TLN2: variants seen among roughly 807,000 people sequenced by gnomAD.
TLN2 encodes talin-2.
In TLN2, 118 loss-of-function variants were observed where a neutral mutation model predicts 294.7. The ratio of observed to expected loss-of-function variants is 0.40; its 90% CI spans 0.34 to 0.47. TLN2 has a LOEUF of 0.47. Among genes scored for constraint, TLN2 ranks in the 20% least tolerant of loss-of-function variants. TLN2 has a pLI of 0.84. For synonymous variants in TLN2, 1,431 were observed against 1,304.5 expected (o/e 1.10, Z -2.09); for missense variants, 3,083 against 3,282.2 (o/e 0.94, Z 1.48).
At chr15:62,568,536 G>A (rs562091596) in intron 1 of TLN2, among the ~76,000 whole-genome samples, 4 of 152,342 alleles carry the variant, frequency 2.6e-5, no homozygotes, top group East Asian at 3.9e-4. Flanking sequence ...AGCACAGTGC[G>A]TGGCCCATGG....
In TLN2 at chr15:62,465,311, C is replaced by T. The variant is rs146681903; in HGVS notation, c.-238+74626C>T. 2.9e-4 allele frequency among the ~76,000 whole-genome samples: 44 copies of T among 151,982 alleles called. 1 individual carries two copies. The East Asian group carries it at 6.0e-3, about 21-fold the overall frequency. Reference sequence around the variant, plus strand: ...ATCCCAGCTTGCCACCTGGAGAATCCGTGGCTTGGTGTGTGATAATGGGAT... The same window carrying T: ...ATCCCAGCTTGCCACCTGGAGAATCTGTGGCTTGGTGTGTGATAATGGGAT... On this transcript the variant is annotated intron_variant, in intron 1 of 58. Transcript: ENST00000636159.
chr15:62,588,495 G>C (rs1371460251), intron 1 of TLN2, among the ~76,000 whole-genome samples: 2 of 151,158 alleles, frequency 1.3e-5, no homozygotes, highest in Non-Finnish European at 2.9e-5. Context: ...AATTAGCTGG[G>C]TGTGGTGATG....
intron 32 of TLN2, among the ~76,000 whole-genome samples, chr15:62,741,095 A>G (rs1290587491): frequency 2.0e-5 from 3 of 152,242 alleles, no homozygotes; most frequent in African/African-American, 7.2e-5. Context: ...CTGATTATAA[A>G]ATAGTATATA....
intron 1 of TLN2, among the ~76,000 whole-genome samples, chr15:62,549,056 T>C (rs914966028): frequency 1.2e-4 from 18 of 152,208 alleles, no homozygotes; most frequent in African/African-American, 4.3e-4. Context: ...TAGTTTGCTT[T>C]CTTATCCTCA....
chr15:62,816,439 G>C (rs1037166103), intron 52 of TLN2, among the ~76,000 whole-genome samples: 6 of 152,194 alleles, frequency 3.9e-5, no homozygotes, highest in African/African-American at 1.4e-4. Flanking sequence ...TCTGTTGTCT[G>C]CTATCAGAAA....
chr15:62,396,951 T>C (rs2140228801), intron 1 of TLN2, among the ~76,000 whole-genome samples: 1 of 152,254 alleles, frequency 6.6e-6, no homozygotes, highest in African/African-American at 2.4e-5. Flanking sequence ...GCAGTCCACC[T>C]TCCTCGGCCT....
At chr15:62,836,116 CG>C (rs777516286) in intron 57 of TLN2, 43 bp downstream of exon 57, 6 of 1,561,150 alleles carry the variant, frequency 3.8e-6, no homozygotes, top group African/African-American at 2.7e-5. Context: ...CCTGTTGGAG[CG>C]GGTAAGTGTC....
chr15:62,504,846 T>TGTGTGTGTGTGTGTGAGA (rs1207922838), intron 1 of TLN2, among the ~76,000 whole-genome samples: 2 of 144,480 alleles, frequency 1.4e-5, no homozygotes, highest in African/African-American at 5.2e-5. Flanking sequence ...TGTGTGTGTG[T>TGTGTGTGTGTGTGTGAGA]GAGAGAGAGA....
intron 12 of TLN2, among the ~76,000 whole-genome samples, chr15:62,692,280 A>T (rs1308209832): frequency 6.6e-6 from 1 of 152,186 alleles, no homozygotes; most frequent in Non-Finnish European, 1.5e-5. Context: ...CACTGGCTAG[A>T]GGGCAGGGAG....
chr15:62,505,390 T>C (rs958055979), intron 1 of TLN2, among the ~76,000 whole-genome samples: 1 of 152,250 alleles, frequency 6.6e-6, no homozygotes, highest in African/African-American at 2.4e-5. Context: ...GTCTTAAATC[T>C]GGCTTACATT....
intron 1 of TLN2, among the ~76,000 whole-genome samples, chr15:62,434,611 A>G (rs1220285240): frequency 6.6e-6 from 1 of 152,184 alleles, no homozygotes; most frequent in Non-Finnish European, 1.5e-5. Flanking sequence ...AAGTTGTATC[A>G]TTTTTAATCA....
At chr15:62,753,388 GT>G (rs1024967893) in intron 35 of TLN2, among the ~76,000 whole-genome samples, 1 of 152,178 alleles carries the variant, frequency 6.6e-6, no homozygotes. Context: ...TGCACCCACT[GT>G]TTTGTGCCTC....
At position 62,734,543 on chromosome 15, in the gene TLN2, G is replaced by A. The variant is rs547467114; in HGVS notation, c.3359-2335G>A. ...TCAACCCTGTGCCAAAAGCTTAAGC[G>A]TAAAATGGAATGACCATTCTCCTCA... On this transcript the variant is annotated intron_variant, in intron 28 of 58. Transcript: ENST00000636159. 9.8e-5 allele frequency among the ~76,000 whole-genome samples: 15 copies of A among 152,306 alleles called. No individual in the cohort carries two copies. In the South Asian group the frequency reaches 1.2e-3, roughly 13 times the overall value.
chr15:62,493,448 C>T (rs1392733446), intron 1 of TLN2, among the ~76,000 whole-genome samples: 1 of 151,986 alleles, frequency 6.6e-6, no homozygotes, highest in Non-Finnish European at 1.5e-5. Flanking sequence ...AGGCCCTGTC[C>T]TCCCCTTGCT....
chr15:62,458,839 A>G (rs1027810262), intron 1 of TLN2, among the ~76,000 whole-genome samples: 1 of 152,048 alleles, frequency 6.6e-6, no homozygotes, highest in African/African-American at 2.4e-5. Flanking sequence ...GTCCCTGCTT[A>G]CTTAATCAGC....
chr15:62,531,201 A>C (rs2041024771), intron 1 of TLN2, among the ~76,000 whole-genome samples: 1 of 152,262 alleles, frequency 6.6e-6, no homozygotes, highest in Admixed American at 6.5e-5. Flanking sequence ...TGAATAGATA[A>C]AGAAAATATG....
chr15:62,564,332 G>A (rs570811363), intron 1 of TLN2, among the ~76,000 whole-genome samples: 10 of 152,196 alleles, frequency 6.6e-5, no homozygotes, highest in African/African-American at 1.4e-4. Flanking sequence ...TGGTGTGCCC[G>A]TGGGGTGGAG....
chr15:62,429,131 T>G (rs2471033), intron 1 of TLN2, among the ~76,000 whole-genome samples: 125,644 of 138,242 alleles, frequency 0.91, 57,815 homozygotes, highest in East Asian at 0.98. Flanking sequence ...TGGCGGGGGT[T>G]GGGGGGGTAG....
intron 11 of TLN2, 135 bp downstream of exon 11, chr15:62,675,456 C>T: frequency 2.4e-6 from 2 of 836,026 alleles, no homozygotes; most frequent in Non-Finnish European, 3.8e-6. Flanking sequence ...CTAGTGCTGA[C>T]CTGCGTTTAG....
Sources: gnomAD v4.1 joint callset for allele counts (sites outside exome capture counted in the v4.1 genomes callset) on GRCh38, gnomAD v4.1.1 for gene constraint, MANE v1.5 for transcripts, NCBI Gene and HGNC (gene_info 2026-07-23, HGNC 2026-07-21) for gene names.